HECW2: variants seen among roughly 807,000 people sequenced by gnomAD.
HECW2 encodes HECT, C2 and WW domain containing E3 ubiquitin protein ligase 2.
HECW2 carries 61 observed loss-of-function variants against 175.2 expected under a neutral mutation model. That is an observed-to-expected ratio of 0.35 (90% CI 0.28 to 0.43). The LOEUF (loss-of-function observed/expected upper bound fraction) is 0.43. Among genes scored for constraint, HECW2 ranks in the 20% least tolerant of loss-of-function variants. HECW2 has a pLI of 1.00. For missense variants in HECW2, 1,524 were observed against 2,000.5 expected (o/e 0.76, Z 4.54); for synonymous variants, 671 against 731.0 (o/e 0.92, Z 1.32).
intron 1 of HECW2, among the ~76,000 whole-genome samples, chr2:196,470,732 G>C (rs561783053): frequency 3.3e-5 from 5 of 152,132 alleles, no homozygotes; most frequent in Admixed American, 2.6e-4. Flanking sequence ...AATAGAGTGT[G>C]GAGAAATAGA....
At chr2:196,461,429 A>G (rs375704371) in intron 1 of HECW2, among the ~76,000 whole-genome samples, 11 of 152,314 alleles carry the variant, frequency 7.2e-5, no homozygotes, top group African/African-American at 2.6e-4. Context: ...AAAATGGCAC[A>G]AACACTTTGG....
chr2:196,322,240 T>C (rs1052649303), intron 7 of HECW2, among the ~76,000 whole-genome samples: 10 of 152,240 alleles, frequency 6.6e-5, no homozygotes, highest in Non-Finnish European at 8.8e-5. Context: ...GATTTGACAC[T>C]GAAATATTAA....
intron 1 of HECW2, among the ~76,000 whole-genome samples, chr2:196,475,325 G>A (rs1002771125): frequency 6.6e-5 from 10 of 150,578 alleles, no homozygotes; most frequent in Admixed American, 3.3e-4. Context: ...GAGAATAAAG[G>A]AGATGGGGGG....
At chr2:196,445,033 ACT>A (rs1216454034) in intron 1 of HECW2, among the ~76,000 whole-genome samples, 2 of 151,998 alleles carry the variant, frequency 1.3e-5, no homozygotes, top group East Asian at 1.9e-4. Flanking sequence ...CCTAAAGAAC[ACT>A]CTCTTTTTGA....
At chr2:196,537,533 C>T (rs1029135339) in intron 1 of HECW2, among the ~76,000 whole-genome samples, 1 of 152,044 alleles carries the variant, frequency 6.6e-6, no homozygotes, top group Non-Finnish European at 1.5e-5. Context: ...CAGCATGAAC[C>T]AGGACGGACA....
At chr2:196,495,277 A>AG in intron 1 of HECW2, among the ~76,000 whole-genome samples, 1 of 152,036 alleles carries the variant, frequency 6.6e-6, no homozygotes, top group Non-Finnish European at 1.5e-5. Flanking sequence ...CATGTTCGCC[A>AG]GGCTGGTCTC....
At chr2:196,457,940 A>G (rs1432161456) in intron 1 of HECW2, among the ~76,000 whole-genome samples, 1 of 152,214 alleles carries the variant, frequency 6.6e-6, no homozygotes, top group Non-Finnish European at 1.5e-5. Context: ...CAAAAGGGAT[A>G]ATAGCCACAA....
At chr2:196,227,652 G>A (rs1687902963) in intron 22 of HECW2, among the ~76,000 whole-genome samples, 1 of 152,152 alleles carries the variant, frequency 6.6e-6, no homozygotes, top group African/African-American at 2.4e-5. Context: ...CAGAGTTCCA[G>A]CTGCCCTGTC....
chr2:196,404,366 G>A (rs1042150510), intron 2 of HECW2, among the ~76,000 whole-genome samples: 1 of 152,068 alleles, frequency 6.6e-6, no homozygotes, highest in African/African-American at 2.4e-5. Context: ...ATTCTTCAAA[G>A]TCTCTTCCTA....
intron 1 of HECW2, among the ~76,000 whole-genome samples, chr2:196,448,582 C>T (rs1490080659): frequency 2.0e-5 from 3 of 152,224 alleles, no homozygotes; most frequent in Admixed American, 6.5e-5. Flanking sequence ...CAAGCAGCCT[C>T]CCCCGCCAAA....
intron 1 of HECW2, among the ~76,000 whole-genome samples, chr2:196,548,803 C>T (rs1463464771): frequency 6.6e-6 from 1 of 152,172 alleles, no homozygotes; most frequent in African/African-American, 2.4e-5. Context: ...AGAATCTGTT[C>T]TACCCTCACC....
At chr2:196,335,546 TC>T (rs1301979245) in intron 3 of HECW2, among the ~76,000 whole-genome samples, 1 of 152,234 alleles carries the variant, frequency 6.6e-6, no homozygotes, top group Non-Finnish European at 1.5e-5. Context: ...AGGAAGTTCA[TC>T]TTTCACTGAC....
At chr2:196,337,976 T>C (rs1393073979) in intron 3 of HECW2, among the ~76,000 whole-genome samples, 1 of 152,228 alleles carries the variant, frequency 6.6e-6, no homozygotes, top group African/African-American at 2.4e-5. Context: ...TAGCACTCTG[T>C]ATTTGAATAT....
At chr2:196,324,315 T>C (rs1023573447) in intron 6 of HECW2, among the ~76,000 whole-genome samples, 4 of 152,158 alleles carry the variant, frequency 2.6e-5, no homozygotes, top group African/African-American at 9.7e-5. Flanking sequence ...TTCTTTGACT[T>C]TCCGTAGTTC....
chr2:196,530,225 A>G (rs1688797257), intron 1 of HECW2, among the ~76,000 whole-genome samples: 1 of 152,186 alleles, frequency 6.6e-6, no homozygotes, highest in African/African-American at 2.4e-5. Flanking sequence ...TCCTGTGCTA[A>G]GCAAGCCTTG....
intron 1 of HECW2, among the ~76,000 whole-genome samples, chr2:196,461,218 T>C (rs1007358315): frequency 1.3e-5 from 2 of 151,792 alleles, no homozygotes; most frequent in African/African-American, 2.4e-5. Context: ...GCAACAGAGA[T>C]TAAAAACATG....
At chr2:196,266,183 A>C (rs994208876) in intron 17 of HECW2, among the ~76,000 whole-genome samples, 22 of 149,340 alleles carry the variant, frequency 1.5e-4, no homozygotes, top group Middle Eastern at 3.4e-3. Context: ...AAAAAAAAAA[A>C]AAAACACAAA....
chr2:196,220,719 T>C, intron 25 of HECW2, 76 bp downstream of exon 25: 1 of 1,448,338 alleles, frequency 6.9e-7, no homozygotes, highest in South Asian at 1.2e-5. Flanking sequence ...AGTCTACACA[T>C]GTAAAGTACA....
chr2:196,321,245 C>A (rs531199240), intron 7 of HECW2, among the ~76,000 whole-genome samples: 1 of 152,190 alleles, frequency 6.6e-6, no homozygotes, highest in African/African-American at 2.4e-5. Context: ...GCCTGGGCCC[C>A]GGGCTTGGAC....
Sources: gnomAD v4.1 joint callset for allele counts (sites outside exome capture counted in the v4.1 genomes callset) on GRCh38, gnomAD v4.1.1 for gene constraint, MANE v1.5 for transcripts, NCBI Gene and HGNC (gene_info 2026-07-23, HGNC 2026-07-21) for gene names.